OPRM1: variants seen among roughly 807,000 people sequenced by gnomAD.
OPRM1 encodes opioid receptor mu 1.
A neutral mutation model predicts 31.8 loss-of-function variants in OPRM1; 27 were observed. The ratio of observed to expected loss-of-function variants is 0.85; its 90% CI spans 0.63 to 1.17. The LOEUF (loss-of-function observed/expected upper bound fraction) is 1.17. Among genes scored for constraint, OPRM1 ranks in the 50% most tolerant of loss-of-function variants. The probability of loss-of-function intolerance (pLI) is 0.00; values close to 1 mark genes in which losing one functional copy is unlikely to be tolerated. For synonymous variants in OPRM1, 196 were observed against 189.9 expected, an observed-to-expected ratio of 1.03 and a Z score of -0.26; for missense variants, 536 against 511.1, an observed-to-expected ratio of 1.05 and a Z score of -0.47.
intron 3 of OPRM1, among the ~76,000 whole-genome samples, chr6:154,099,511 G>A (rs1188983047): frequency 6.7e-6 from 1 of 150,004 alleles, no homozygotes; most frequent in Non-Finnish European, 1.5e-5. Context: ...AAAGAGGAAG[G>A]AAAGAATGAG....
At chr6:154,042,394 G>A (rs1168013493) in intron 1 of OPRM1, among the ~76,000 whole-genome samples, 1 of 152,156 alleles carries the variant, frequency 6.6e-6, no homozygotes, top group Non-Finnish European at 1.5e-5. Context: ...TAAGTATTGA[G>A]GAGAAATGTT....
At chr6:154,199,405 AG>A (rs1776896398) in intron 3 of OPRM1, among the ~76,000 whole-genome samples, 1 of 152,178 alleles carries the variant, frequency 6.6e-6, no homozygotes, top group Non-Finnish European at 1.5e-5. Flanking sequence ...TTGGTGGAAA[AG>A]TATCATTATT....
chr6:154,018,263 A>G (rs965576123), intron 1 of OPRM1, among the ~76,000 whole-genome samples: 6 of 152,088 alleles, frequency 3.9e-5, no homozygotes, highest in African/African-American at 1.2e-4. Context: ...TTCTAAAAAT[A>G]TAAAGAATTA....
rs144004471 is a variant in OPRM1, at chr6:154,046,508, G to A, written c.290+6674G>A. ...CATTAATTTCATGTTATATAGTAAC[G>A]TTAAGAGTATCTTGTGATTAATTGA... On this transcript the variant is annotated intron_variant, in intron 1 of 3. Coordinates refer to ENST00000330432, the MANE Select transcript of OPRM1 (RefSeq NM_000914.5). Among the ~76,000 whole-genome samples, 15 of 152,288 alleles carry A rather than the reference G, an allele frequency of 9.8e-5. No individual in the cohort carries two copies. The East Asian group carries it at 2.5e-3, about 25-fold the overall frequency.
At chr6:154,193,337 A>G (rs758612604) in intron 3 of OPRM1, among the ~76,000 whole-genome samples, 13 of 152,198 alleles carry the variant, frequency 8.5e-5, no homozygotes, top group Admixed American at 3.3e-4. Context: ...AAGGCACGAT[A>G]AAATAGACTT....
At chr6:154,019,319 C>T (rs944888521) in intron 1 of OPRM1, among the ~76,000 whole-genome samples, 5 of 151,766 alleles carry the variant, frequency 3.3e-5, no homozygotes, top group Admixed American at 3.3e-4. Context: ...CCCTCACACA[C>T]ACACACACAC....
intron 3 of OPRM1, chr6:154,107,761 A>G (rs1294162274): frequency 2.8e-6 from 2 of 718,404 alleles, no homozygotes; most frequent in Non-Finnish European, 5.2e-6. Context: ...CCTCCAGCCA[A>G]GTTTGTTGCT....
chr6:154,013,494 A>G (rs712243), intron 1 of OPRM1, among the ~76,000 whole-genome samples: 35,294 of 152,130 alleles, frequency 0.23, 5,304 homozygotes, highest in East Asian at 0.6. Flanking sequence ...ATTTTGGACA[A>G]AATTTTCTGC....
intron 3 of OPRM1, among the ~76,000 whole-genome samples, chr6:154,148,449 T>C (rs985334886): frequency 1.3e-5 from 2 of 152,244 alleles, no homozygotes; most frequent in African/African-American, 4.8e-5. Context: ...AATGTGTGCA[T>C]GTCTGGGGGC....
chr6:154,070,601 G>A (rs375801913), intron 1 of OPRM1, among the ~76,000 whole-genome samples: 6 of 152,094 alleles, frequency 3.9e-5, no homozygotes, highest in African/African-American at 1.4e-4. Flanking sequence ...TATTTAATTT[G>A]TTTTAAAGAT....
chr6:154,188,004 T>C (rs1304616810), intron 3 of OPRM1, among the ~76,000 whole-genome samples: 1 of 152,210 alleles, frequency 6.6e-6, no homozygotes, highest in African/African-American at 2.4e-5. Flanking sequence ...TCTATCAGCA[T>C]TGTACTTTGG....
chr6:154,201,121 T>C (rs2128592763), intron 3 of OPRM1, among the ~76,000 whole-genome samples: 1 of 152,310 alleles, frequency 6.6e-6, no homozygotes, highest in East Asian at 1.9e-4. Flanking sequence ...TCCTCCATGA[T>C]TGTAAAGTTT....
chr6:154,056,460 C>T (rs186817633), intron 1 of OPRM1, among the ~76,000 whole-genome samples: 8 of 151,916 alleles, frequency 5.3e-5, no homozygotes, highest in South Asian at 4.2e-4. Context: ...ACATTAATGA[C>T]GATTCTGTGG....
At chr6:154,036,157 C>T (rs1171762336), upstream of OPRM1, among the ~76,000 whole-genome samples, 2 of 152,008 alleles carry the variant, frequency 1.3e-5, no homozygotes, top group Admixed American at 1.3e-4. Flanking sequence ...AATTGAGGTG[C>T]TTTTATACTA....
At position 154,127,063 on chromosome 6, in the gene OPRM1, C is replaced by T. The variant is rs559395851; in HGVS notation, c.*8342C>T. On this transcript the variant is annotated 3_prime_UTR_variant, in exon 4 of 4. Transcript: ENST00000330432. ...GGCGGAAGTTGCAGTGAGCCAAGATCGCAGCATTGCACTCCAGCCTGGGCA... is the reference window on the plus strand; with the variant it reads ...GGCGGAAGTTGCAGTGAGCCAAGATTGCAGCATTGCACTCCAGCCTGGGCA... Among the ~76,000 whole-genome samples, 33 of 150,770 alleles carry T rather than the reference C, an allele frequency of 2.2e-4. No homozygotes were observed. Among genetic ancestry groups the T allele is most frequent in the African/African-American group, 7.1e-4 (29 of 40,940 alleles).
At chr6:154,146,983 C>T (rs187937430) in intron 3 of OPRM1, among the ~76,000 whole-genome samples, 1 of 152,260 alleles carries the variant, frequency 6.6e-6, no homozygotes, top group African/African-American at 2.4e-5. Flanking sequence ...GCTCTGAAGT[C>T]CACATTGCAC....
At chr6:154,052,764 G>T (rs1315620847) in intron 1 of OPRM1, among the ~76,000 whole-genome samples, 1 of 152,062 alleles carries the variant, frequency 6.6e-6, no homozygotes, top group Non-Finnish European at 1.5e-5. Context: ...CTACATGAAG[G>T]CAAAACATTT....
intron 3 of OPRM1, chr6:154,223,125 T>C (rs1268469314): frequency 4.3e-6 from 6 of 1,383,768 alleles, no homozygotes; most frequent in East Asian, 2.3e-5. Flanking sequence ...TATGAAGAGA[T>C]AGTATCCTGG....
intron 1 of OPRM1, among the ~76,000 whole-genome samples, chr6:154,022,383 G>A (rs376022692): frequency 2.3e-4 from 30 of 130,968 alleles, no homozygotes; most frequent in South Asian, 2.1e-3. Flanking sequence ...TCCACGCCCC[G>A]TGGCTTCCGC....
Sources: gnomAD v4.1 joint callset for allele counts (sites outside exome capture counted in the v4.1 genomes callset) on GRCh38, gnomAD v4.1.1 for gene constraint, MANE v1.5 for transcripts, NCBI Gene and HGNC (gene_info 2026-07-23, HGNC 2026-07-21) for gene names.